The following ZNF521 variants were observed in gnomAD, a reference collection of about 807,000 sequenced individuals.
ZNF521 encodes LYST-interacting protein 3.
A neutral mutation model predicts 105.5 loss-of-function variants in ZNF521; 14 were observed. That is an observed-to-expected ratio of 0.13 (90% CI 0.09 to 0.21). The LOEUF (loss-of-function observed/expected upper bound fraction) is 0.21, where lower values mean the gene tolerates loss of function less well. Among genes scored for constraint, ZNF521 ranks in the 10% least tolerant of loss-of-function variants. The pLI, the probability that ZNF521 is intolerant of heterozygous loss-of-function variation, is 1.00. For missense variants in ZNF521, 1,233 were observed against 1,629.7 expected, an observed-to-expected ratio of 0.76 and a Z score of 4.19; for synonymous variants, 635 against 606.0, an observed-to-expected ratio of 1.05 and a Z score of -0.70.
At chr18:25,258,841 G>A (rs1193346967) in intron 3 of ZNF521, among the ~76,000 whole-genome samples, 2 of 152,102 alleles carry the variant, frequency 1.3e-5, no homozygotes, top group African/African-American at 4.8e-5. Context: ...ACACAACAGG[G>A]TAAGTGAAAA....
intron 3 of ZNF521, among the ~76,000 whole-genome samples, chr18:25,249,312 T>C (rs1292675174): frequency 6.6e-6 from 1 of 151,636 alleles, no homozygotes; most frequent in Non-Finnish European, 1.5e-5. Flanking sequence ...CCCGCCACCA[T>C]GCCCGGCTAA....
chr18:25,257,624 G>A (rs373905695), intron 3 of ZNF521, among the ~76,000 whole-genome samples: 6 of 152,098 alleles, frequency 3.9e-5, no homozygotes, highest in South Asian at 2.1e-4. Context: ...GTGGCTACAC[G>A]GAGCAACTAA....
intron 3 of ZNF521, among the ~76,000 whole-genome samples, chr18:25,233,923 C>A (rs1423452061): frequency 2.0e-5 from 3 of 152,152 alleles, no homozygotes; most frequent in Non-Finnish European, 4.4e-5. Flanking sequence ...TCAATGAATT[C>A]CATCTTCCGC....
intron 2 of ZNF521, 131 bp downstream of exon 2, chr18:25,350,776 A>C: frequency 1.1e-6 from 1 of 894,862 alleles, no homozygotes; most frequent in Non-Finnish European, 1.6e-6. Flanking sequence ...CGGGGAGGGG[A>C]GCGCGCGCGC....
chr18:25,342,446 G>C (rs1914255138), intron 2 of ZNF521, among the ~76,000 whole-genome samples: 1 of 149,424 alleles, frequency 6.7e-6, no homozygotes, highest in South Asian at 2.1e-4. Context: ...TTTTGAGACA[G>C]AGTCTCGCTC....
intron 7 of ZNF521, among the ~76,000 whole-genome samples, chr18:25,074,706 C>T (rs1395623415): frequency 6.6e-6 from 1 of 152,144 alleles, no homozygotes; most frequent in Non-Finnish European, 1.5e-5. Flanking sequence ...CCACTCTCTA[C>T]CCTGCCAAGA....
chr18:25,283,919 C>CTT (rs45533836), intron 3 of ZNF521, among the ~76,000 whole-genome samples: 1 of 140,338 alleles, frequency 7.1e-6, no homozygotes, highest in African/African-American at 2.7e-5. Flanking sequence ...CAAGCCAATA[C>CTT]TTTCCCCCCC....
intron 2 of ZNF521, among the ~76,000 whole-genome samples, chr18:25,350,094 C>G (rs907145276): frequency 2.0e-5 from 3 of 152,110 alleles, no homozygotes; most frequent in African/African-American, 7.2e-5. Context: ...ACACAGCCAT[C>G]AGATCGATAA....
At chr18:25,306,630 T>G (rs1911994199) in intron 3 of ZNF521, among the ~76,000 whole-genome samples, 1 of 152,212 alleles carries the variant, frequency 6.6e-6, no homozygotes, top group Non-Finnish European at 1.5e-5. Flanking sequence ...TTAAATGTCC[T>G]GCCTTTACAG....
intron 5 of ZNF521, among the ~76,000 whole-genome samples, chr18:25,135,351 T>C (rs1055804749): frequency 1.3e-5 from 2 of 151,518 alleles, no homozygotes; most frequent in African/African-American, 4.9e-5. Flanking sequence ...TTGAGGCTAC[T>C]GCCCAGAAAT....
chr18:25,092,437 A>G (rs1451724560), intron 5 of ZNF521, among the ~76,000 whole-genome samples: 1 of 152,190 alleles, frequency 6.6e-6, no homozygotes, highest in Non-Finnish European at 1.5e-5. Flanking sequence ...AAGTGTGGAC[A>G]GCTTCTTCCT....
At chr18:25,350,732 C>G (rs1239977626) in intron 2 of ZNF521, among the ~76,000 whole-genome samples, 175 bp downstream of exon 2, 9 of 151,554 alleles carry the variant, frequency 5.9e-5, no homozygotes, top group African/African-American at 1.2e-4. Context: ...CCCCCCACCC[C>G]GACACCTCAC....
intron 5 of ZNF521, among the ~76,000 whole-genome samples, chr18:25,185,148 T>C (rs1165142218): frequency 6.6e-6 from 1 of 152,126 alleles, no homozygotes; most frequent in African/African-American, 2.4e-5. Flanking sequence ...TTAAACCTCT[T>C]TGGGGAAAGG....
intron 5 of ZNF521, among the ~76,000 whole-genome samples, chr18:25,159,327 C>T (rs937727456): frequency 6.6e-6 from 1 of 151,980 alleles, no homozygotes; most frequent in Non-Finnish European, 1.5e-5. Context: ...CTATGTTGCC[C>T]AAAGTTTGGA....
intron 5 of ZNF521, among the ~76,000 whole-genome samples, chr18:25,194,608 G>C (rs1313884689): frequency 6.6e-6 from 1 of 151,646 alleles, no homozygotes; most frequent in Non-Finnish European, 1.5e-5. Context: ...GGAAAATTTG[G>C]TGGGGAATAA....
At chr18:25,125,666 G>A (rs1487359128) in intron 5 of ZNF521, among the ~76,000 whole-genome samples, 2 of 150,868 alleles carry the variant, frequency 1.3e-5, no homozygotes, top group Non-Finnish European at 3.0e-5. Context: ...TATGTGTAAT[G>A]GTGTCATGCA....
intron 5 of ZNF521, among the ~76,000 whole-genome samples, chr18:25,164,808 G>A (rs892117556): frequency 6.6e-6 from 1 of 152,202 alleles, no homozygotes; most frequent in African/African-American, 2.4e-5. Context: ...AAGATGACCA[G>A]CTGGCATTTT....
At chr18:25,303,379 C>T (rs1911766908) in intron 3 of ZNF521, among the ~76,000 whole-genome samples, 1 of 151,692 alleles carries the variant, frequency 6.6e-6, no homozygotes, top group South Asian at 2.1e-4. Context: ...CTCACTGCAA[C>T]CTCCGCCTTC....
At chr18:25,170,837 T>C (rs1476728311) in intron 5 of ZNF521, among the ~76,000 whole-genome samples, 2 of 152,264 alleles carry the variant, frequency 1.3e-5, no homozygotes, top group East Asian at 1.9e-4. Flanking sequence ...TAACATCTAC[T>C]AGATGTTGTA....
Sources: gnomAD v4.1 joint callset for allele counts (sites outside exome capture counted in the v4.1 genomes callset) on GRCh38, gnomAD v4.1.1 for gene constraint, MANE v1.5 for transcripts, NCBI Gene and HGNC (gene_info 2026-07-23, HGNC 2026-07-21) for gene names.